The following DAPK2 variants were observed in gnomAD, a reference collection of about 807,000 sequenced individuals.
DAPK2 encodes death-associated protein kinase 2.
DAPK2 carries 35 observed loss-of-function variants against 44.1 expected under a neutral mutation model. The observed-to-expected ratio is 0.79, with a 90% CI of 0.61 to 1.05. The LOEUF is 1.05. DAPK2 is among the 50% of genes least tolerant of loss of function. DAPK2 has a pLI of 0.00. For synonymous variants in DAPK2, 174 were observed against 182.6 expected, an observed-to-expected ratio of 0.95 and a Z score of 0.38; for missense variants, 453 against 483.2, an observed-to-expected ratio of 0.94 and a Z score of 0.59.
At chr15:63,936,575 C>T (rs768045122) in intron 4 of DAPK2, among the ~76,000 whole-genome samples, 23 of 152,148 alleles carry the variant, frequency 1.5e-4, no homozygotes, top group Non-Finnish European at 2.8e-4. Context: ...CACACCACTG[C>T]ACTCCATGGG....
At chr15:64,001,693 T>C (rs745918974) in intron 1 of DAPK2, among the ~76,000 whole-genome samples, 3 of 152,240 alleles carry the variant, frequency 2.0e-5, no homozygotes, top group Non-Finnish European at 4.4e-5. Context: ...ACCAGCGGCA[T>C]TGACTCCACC....
rs1022994019 is a variant in DAPK2, at chr15:64,007,246, C to T, written c.93-23492G>A. On this transcript the variant is annotated intron_variant, in intron 1 of 10. Transcript: ENST00000261891. Reference sequence around the variant, plus strand: ...TCTCGAGTAGCTGGGATTACAGGCACGCACCACCATGCCCAGCCAACCTTT... The same window carrying T: ...TCTCGAGTAGCTGGGATTACAGGCATGCACCACCATGCCCAGCCAACCTTT... Among the ~76,000 whole-genome samples the T allele has an allele frequency of 3.3e-5, 5 of 152,050 alleles. No homozygotes were observed. The East Asian group carries it at 7.7e-4, about 23-fold the overall frequency.
At position 63,966,023 on chromosome 15, in the gene DAPK2, A is replaced by G. The variant is rs561089166; in HGVS notation, c.453+5400T>C. On this transcript the variant is annotated intron_variant, in intron 3 of 10. Coordinates refer to ENST00000261891, the Ensembl canonical transcript of DAPK2. The surrounding 1 kb of genome is among the most constrained non-coding windows in gnomAD (Gnocchi z 5.5). ...TCCCTTTCCTCTTTCCATAGCCACC[A>G]CAGCTGGGAATGTGCTGGGTCACAC... 2.5e-4 allele frequency among the ~76,000 whole-genome samples: 38 copies of G among 152,216 alleles called. No homozygotes were observed. The highest frequency in any genetic ancestry group is 8.7e-4 in the African/African-American group (36 of 41,516).
chr15:64,000,224 C>T (rs964323631), intron 1 of DAPK2, among the ~76,000 whole-genome samples: 2 of 151,758 alleles, frequency 1.3e-5, no homozygotes, highest in South Asian at 2.1e-4. Context: ...CACACAGCCC[C>T]TAGGTCTGCT....
intron 1 of DAPK2, among the ~76,000 whole-genome samples, chr15:64,026,089 G>A (rs1188329209): frequency 6.6e-6 from 1 of 152,188 alleles, no homozygotes; most frequent in East Asian, 1.9e-4. Context: ...GACTGGGGGT[G>A]AGGGGCAATC....
At chr15:63,941,686 C>A (rs546991724) in intron 3 of DAPK2, among the ~76,000 whole-genome samples, 1 of 150,872 alleles carries the variant, frequency 6.6e-6, no homozygotes, top group African/African-American at 2.4e-5. Flanking sequence ...CTTTTTTATT[C>A]TTCTTCCCCT....
At chr15:63,963,839 T>C (rs753879662) in intron 3 of DAPK2, among the ~76,000 whole-genome samples, 3 of 152,228 alleles carry the variant, frequency 2.0e-5, no homozygotes, top group Non-Finnish European at 2.9e-5. Flanking sequence ...AGAAAACTAA[T>C]AAAAACTCTA....
intron 1 of DAPK2, among the ~76,000 whole-genome samples, chr15:64,028,798 G>A (rs940169953): frequency 4.0e-5 from 6 of 151,868 alleles, no homozygotes; most frequent in South Asian, 2.1e-4. Context: ...ACCCACAGAC[G>A]GAAAGAAGGA....
chr15:64,001,040 C>G (rs2079072346), intron 1 of DAPK2, among the ~76,000 whole-genome samples: 1 of 151,984 alleles, frequency 6.6e-6, no homozygotes, highest in African/African-American at 2.4e-5. Context: ...CCACCACGCC[C>G]AGCTAATTTT....
chr15:64,005,920 G>C (rs1283151257), intron 1 of DAPK2, among the ~76,000 whole-genome samples: 2 of 151,784 alleles, frequency 1.3e-5, no homozygotes, highest in Non-Finnish European at 2.9e-5. Context: ...TGTAGTCCTA[G>C]CTACTTGGGA....
chr15:63,934,144 T>C (rs577948722), intron 4 of DAPK2, among the ~76,000 whole-genome samples: 4 of 152,032 alleles, frequency 2.6e-5, no homozygotes, highest in Non-Finnish European at 5.9e-5. Flanking sequence ...CAAATTCTAA[T>C]ATAAATCAAC....
intron 3 of DAPK2, chr15:63,942,369 T>C (rs2077332389): frequency 3.7e-6 from 1 of 269,000 alleles, no homozygotes; most frequent in Admixed American, 6.5e-5. Flanking sequence ...CTGGCCAACA[T>C]GGTGAAACCC....
intron 1 of DAPK2, among the ~76,000 whole-genome samples, chr15:64,037,631 C>T (rs931564559): frequency 2.0e-5 from 3 of 152,136 alleles, no homozygotes; most frequent in Non-Finnish European, 4.4e-5. Flanking sequence ...AAATGAAGAA[C>T]AGGAGGGCAG....
At position 63,912,118 on chromosome 15, in the gene DAPK2, C is replaced by T; in HGVS notation, c.938G>A (p.Arg313Lys). 1.9e-6 allele frequency: 3 copies of T among 1,614,004 alleles called. No homozygotes were observed. The highest frequency in any genetic ancestry group is 2.5e-6 in the Non-Finnish European group (3 of 1,180,012). Residue 313 changes from arginine (R) to lysine (K), a missense_variant, in exon 9 of 11, where the codon AGG becomes AAG. Arg to Lys is a conservative substitution (Grantham distance 26). Coordinates refer to ENST00000261891, the Ensembl canonical transcript of DAPK2. The surrounding 1 kb of genome is among the most constrained non-coding windows in gnomAD (Gnocchi z 4.4). ...CAACCCTGGACACACCTTCCACCGC[C>T]TGCGGACATACTGCTTCCTGAAGTT...
chr15:63,995,858 C>T (rs1213702477), intron 1 of DAPK2, among the ~76,000 whole-genome samples: 1 of 152,216 alleles, frequency 6.6e-6, no homozygotes, highest in Non-Finnish European at 1.5e-5. Context: ...TTTAGAGAGG[C>T]AAAGCATCTC....
At chr15:64,032,568 C>T (rs2080046596) in intron 1 of DAPK2, among the ~76,000 whole-genome samples, 1 of 152,208 alleles carries the variant, frequency 6.6e-6, no homozygotes, top group African/African-American at 2.4e-5. Context: ...ATGTGAACTA[C>T]ATGCAAGTAC....
chr15:63,973,744 T>TG (rs1391550956), intron 2 of DAPK2, among the ~76,000 whole-genome samples: 1 of 152,086 alleles, frequency 6.6e-6, no homozygotes, highest in African/African-American at 2.4e-5. Context: ...TTAATTGGGG[T>TG]GGGGGGCAGA....
At chr15:64,022,194 A>C (rs2079702991) in intron 1 of DAPK2, among the ~76,000 whole-genome samples, 1 of 152,242 alleles carries the variant, frequency 6.6e-6, no homozygotes, top group African/African-American at 2.4e-5. Flanking sequence ...TAATCTTGGC[A>C]ATGCTACAGG....
At chr15:63,944,540 A>C (rs1376502018) in intron 3 of DAPK2, among the ~76,000 whole-genome samples, 1 of 152,174 alleles carries the variant, frequency 6.6e-6, no homozygotes, top group African/African-American at 2.4e-5. Flanking sequence ...TACTAAGCCA[A>C]ATTTGATGCT....
Sources: gnomAD v4.1 joint callset for allele counts (sites outside exome capture counted in the v4.1 genomes callset) on GRCh38, gnomAD v4.1.1 for gene constraint, Gnocchi (gnomAD v3.1) non-coding constraint, MANE v1.5 for transcripts, NCBI Gene and HGNC (gene_info 2026-07-23, HGNC 2026-07-21) for gene names.